NRXN3: variants seen among roughly 807,000 people sequenced by gnomAD.
The protein encoded by NRXN3 is neurexin III.
Under a neutral mutation model 137.6 loss-of-function variants are expected in NRXN3, and 32 were observed. The observed-to-expected ratio is 0.23, with a 90% CI of 0.18 to 0.31. The LOEUF (loss-of-function observed/expected upper bound fraction) is 0.31, where lower values mean the gene tolerates loss of function less well. NRXN3 is among the 10% of genes least tolerant of loss of function. The pLI is 1.00. For missense variants in NRXN3, 1,574 were observed against 2,062.5 expected, an observed-to-expected ratio of 0.76 and a Z score of 4.59; for synonymous variants, 798 against 784.5, an observed-to-expected ratio of 1.02 and a Z score of -0.29.
intron 8 of NRXN3, among the ~76,000 whole-genome samples, chr14:78,743,198 A>AT (rs988565513): frequency 3.9e-5 from 6 of 152,116 alleles, no homozygotes; most frequent in South Asian, 2.1e-4. Context: ...CTCAGTTTTT[A>AT]TTTTTTTGAA....
chr14:79,801,158 C>T (rs756304178), intron 19 of NRXN3, among the ~76,000 whole-genome samples: 8 of 152,044 alleles, frequency 5.3e-5, no homozygotes, highest in Admixed American at 1.3e-4. Context: ...TAAGTGGTAA[C>T]GATGAGGTCT....
At chr14:79,426,433 C>G (rs947288827) in intron 15 of NRXN3, among the ~76,000 whole-genome samples, 1 of 152,180 alleles carries the variant, frequency 6.6e-6, no homozygotes, top group Non-Finnish European at 1.5e-5. Flanking sequence ...AGGCAAAAGG[C>G]AGGCTAAGGG....
intron 15 of NRXN3, among the ~76,000 whole-genome samples, chr14:79,237,154 T>C (rs2073520969): frequency 6.6e-6 from 1 of 151,974 alleles, no homozygotes; most frequent in African/African-American, 2.4e-5. Flanking sequence ...TCAACTTATG[T>C]CTCAACATTT....
At chr14:78,210,167 T>A (rs2062601077) in intron 1 of NRXN3, among the ~76,000 whole-genome samples, 1 of 152,216 alleles carries the variant, frequency 6.6e-6, no homozygotes. Context: ...AGACATTTTT[T>A]ACTCATGGTT....
rs8018722 is a variant in NRXN3, at chr14:78,396,807, T to C, written c.757+98947T>C. ...GATATGTTATTGTAGTCAGCTCAGA[T>C]TGCCATCACACAATATCATAGACTG... On this transcript the variant is annotated intron_variant, in intron 4 of 20. Coordinates refer to ENST00000335750, the MANE Select transcript of NRXN3 (RefSeq NM_001330195.2). 3.0e-3 allele frequency among the ~76,000 whole-genome samples: 464 copies of C among 152,312 alleles called. 3 individuals are homozygous for C. The highest frequency in any genetic ancestry group is 0.01 in the African/African-American group (431 of 41,574).
intron 4 of NRXN3, among the ~76,000 whole-genome samples, chr14:78,611,868 A>G (rs1038193456): frequency 6.6e-6 from 1 of 152,352 alleles, no homozygotes. Flanking sequence ...CCAGTCACTT[A>G]CAGATTCTTC....
At chr14:79,455,763 T>A (rs903319214) in intron 15 of NRXN3, among the ~76,000 whole-genome samples, 1 of 151,878 alleles carries the variant, frequency 6.6e-6, no homozygotes, top group African/African-American at 2.4e-5. Context: ...TTTATTTCTG[T>A]TTTTTTAGAG....
Position 79,866,953 on chromosome 14 carries a change from C to A in NRXN3, c.*4989C>A, listed in dbSNP as rs894264166. On this transcript the variant is annotated 3_prime_UTR_variant, in exon 21 of 21. Coordinates refer to ENST00000335750, the MANE Select transcript of NRXN3 (RefSeq NM_001330195.2). The stretch of plus-strand genomic sequence containing the variant: ...TCCACTGACAGCACCAGTAGGAAGG[C>A]GCTAATGAAAAGATCTCTAAATATC... 2 of 152,104 alleles carry A rather than the reference C, an allele frequency of 1.3e-5. No individual in the cohort carries two copies. Among genetic ancestry groups the A allele is most frequent in the African/African-American group, 4.8e-5 (2 of 41,416 alleles). 9.4% of individuals were successfully genotyped at this position (152,104 alleles called of 1,614,324 possible).
chr14:78,488,840 A>C (rs2095613319), intron 4 of NRXN3, among the ~76,000 whole-genome samples: 2 of 138,878 alleles, frequency 1.4e-5, no homozygotes, highest in South Asian at 2.7e-4. Flanking sequence ...TGAAGAGGGA[A>C]TGGGAGGGGA....
chr14:78,679,233 C>A (rs971846547), intron 6 of NRXN3, among the ~76,000 whole-genome samples: 3 of 152,180 alleles, frequency 2.0e-5, no homozygotes, highest in Admixed American at 2.0e-4. Flanking sequence ...TATCTTCTCT[C>A]TAGAGTTTGA....
At chr14:78,194,621 G>A (rs1374841472) in intron 1 of NRXN3, among the ~76,000 whole-genome samples, 1 of 152,192 alleles carries the variant, frequency 6.6e-6, no homozygotes, top group African/African-American at 2.4e-5. Flanking sequence ...AGGGCCTTGG[G>A]AAGAGTGGGA....
chr14:79,633,757 G>C (rs752246401), intron 16 of NRXN3, among the ~76,000 whole-genome samples: 1 of 152,160 alleles, frequency 6.6e-6, no homozygotes, highest in Non-Finnish European at 1.5e-5. Flanking sequence ...TAACAGAACG[G>C]TGCTGTTTGC....
chr14:78,706,257 A>G lies in NRXN3; in HGVS notation c.1222-2960A>G, dbSNP rs142467624. 2.9e-3 allele frequency among the ~76,000 whole-genome samples: 437 copies of G among 152,328 alleles called. 2 individuals are homozygous for G. Among genetic ancestry groups the G allele is most frequent in the South Asian group, 0.016 (75 of 4,832 alleles). ...TTATGACAAAGAGTTCTCACATGCTAAGGTATAATAGTGAAGGTTAGAAAG... is the reference window on the plus strand; with the variant it reads ...TTATGACAAAGAGTTCTCACATGCTGAGGTATAATAGTGAAGGTTAGAAAG... On this transcript the variant is annotated intron_variant, in intron 6 of 20. Transcript: ENST00000335750.
intron 15 of NRXN3, among the ~76,000 whole-genome samples, chr14:79,283,863 T>G (rs1414551335): frequency 6.6e-6 from 1 of 151,994 alleles, no homozygotes; most frequent in African/African-American, 2.4e-5. Context: ...TAGGAATAAT[T>G]GCAAAAGTAT....
At chr14:79,553,433 C>T (rs2097395972) in intron 16 of NRXN3, among the ~76,000 whole-genome samples, 1 of 152,122 alleles carries the variant, frequency 6.6e-6, no homozygotes, top group African/African-American at 2.4e-5. Context: ...AAAAATTACA[C>T]CCAGGTCTGA....
chr14:78,668,187 T>C (rs992898166), intron 6 of NRXN3, among the ~76,000 whole-genome samples: 5 of 152,206 alleles, frequency 3.3e-5, no homozygotes, highest in Admixed American at 2.0e-4. Context: ...AGCTGTAAAA[T>C]TGGGTATTGC....
intron 4 of NRXN3, among the ~76,000 whole-genome samples, chr14:78,611,112 GC>G (rs2097296844): frequency 6.6e-6 from 1 of 152,022 alleles, no homozygotes; most frequent in African/African-American, 2.4e-5. Flanking sequence ...AAACAACCGG[GC>G]CTCCATGGCA....
At chr14:79,187,919 T>G (rs1017677548) in intron 15 of NRXN3, among the ~76,000 whole-genome samples, 1 of 152,196 alleles carries the variant, frequency 6.6e-6, no homozygotes, top group Non-Finnish European at 1.5e-5. Flanking sequence ...AAAGCAGAGA[T>G]TCAGAAGGGT....
intron 4 of NRXN3, among the ~76,000 whole-genome samples, chr14:78,344,252 A>G (rs2082456765): frequency 6.6e-6 from 1 of 152,212 alleles, no homozygotes; most frequent in South Asian, 2.1e-4. Context: ...CCAGAATTTA[A>G]GCAGCTGGTG....
Sources: gnomAD v4.1 joint callset for allele counts (sites outside exome capture counted in the v4.1 genomes callset) on GRCh38, gnomAD v4.1.1 for gene constraint, MANE v1.5 for transcripts, NCBI Gene and HGNC (gene_info 2026-07-23, HGNC 2026-07-21) for gene names.